Variants in NPAS3 observed in about 807,000 individuals in gnomAD.
The protein encoded by NPAS3 is neuronal PAS domain-containing protein 3.
Under a neutral mutation model 73.1 loss-of-function variants are expected in NPAS3, and 14 were observed. The observed-to-expected ratio is 0.19, with a 90% confidence interval of 0.13 to 0.30. NPAS3 has a LOEUF of 0.30. Among genes scored for constraint, NPAS3 ranks in the 10% least tolerant of loss-of-function variants. The probability of loss-of-function intolerance (pLI) is 1.00; values close to 1 mark genes in which losing one functional copy is unlikely to be tolerated. For missense variants in NPAS3, 1,096 were observed against 1,250.0 expected (o/e 0.88, Z 1.86); for synonymous variants, 620 against 541.5 (o/e 1.14, Z -2.01).
chr14:33,295,656 G>C (rs947776093), intron 3 of NPAS3, among the ~76,000 whole-genome samples: 2 of 152,174 alleles, frequency 1.3e-5, no homozygotes, highest in African/African-American at 2.4e-5. Flanking sequence ...ATTGAGATTT[G>C]ATTATCCTTT....
At chr14:33,725,715 T>C (rs1418288002) in intron 6 of NPAS3, among the ~76,000 whole-genome samples, 1 of 152,110 alleles carries the variant, frequency 6.6e-6, no homozygotes, top group African/African-American at 2.4e-5. Flanking sequence ...TGCCTTTCAT[T>C]GCCACTGTCC....
chr14:33,388,211 ATTCAT>A (rs1175644365), intron 4 of NPAS3, among the ~76,000 whole-genome samples: 5 of 152,316 alleles, frequency 3.3e-5, no homozygotes, highest in Non-Finnish European at 7.3e-5. Flanking sequence ...TTGGCATGAT[ATTCAT>A]TCTAATTCAA....
rs67518761 is a variant in NPAS3, at chr14:33,308,510, T to TTATATA, written c.386-58663_386-58658dup. On this transcript the variant is annotated intron_variant, in intron 3 of 11. Transcript: ENST00000356141. ...TTTTCTAAAGGGACTATTGCATAGT[T>TTATATA]TATATATATATATATATACATACAC... Among the ~76,000 whole-genome samples, 162 of 83,470 alleles carry TTATATA rather than the reference T, an allele frequency of 1.9e-3. 1 individual carries two copies. Among genetic ancestry groups the TTATATA allele is most frequent in the African/African-American group, 7.5e-3 (123 of 16,348 alleles). 54.8% of individuals were successfully genotyped at this position (83,470 alleles called of 152,430 possible).
intron 6 of NPAS3, among the ~76,000 whole-genome samples, chr14:33,687,792 C>T (rs1047783299): frequency 3.3e-5 from 5 of 152,142 alleles, no homozygotes; most frequent in African/African-American, 1.2e-4. Context: ...AATGCATGCG[C>T]CAGGCTTTGT....
intron 8 of NPAS3, among the ~76,000 whole-genome samples, chr14:33,777,704 C>G (rs769402675): frequency 1.3e-5 from 2 of 152,178 alleles, no homozygotes; most frequent in Non-Finnish European, 2.9e-5. Flanking sequence ...GGCGGATTCC[C>G]CCAACACGGT....
At chr14:33,682,846 T>G (rs2059977245) in intron 6 of NPAS3, among the ~76,000 whole-genome samples, 1 of 152,170 alleles carries the variant, frequency 6.6e-6, no homozygotes, top group Admixed American at 6.5e-5. Flanking sequence ...AATCTCTCCT[T>G]CCCACTAGGC....
intron 4 of NPAS3, among the ~76,000 whole-genome samples, chr14:33,386,553 A>C (rs2046783946): frequency 6.6e-6 from 1 of 151,772 alleles, no homozygotes. Flanking sequence ...TATTGAAATC[A>C]TCAGTTCCTA....
intron 7 of NPAS3, among the ~76,000 whole-genome samples, chr14:33,751,652 A>G (rs1313838522): frequency 2.0e-5 from 3 of 152,230 alleles, no homozygotes; most frequent in Non-Finnish European, 4.4e-5. Context: ...TTTCCCTTGA[A>G]TATACCATTT....
chr14:33,168,682 C>G (rs2045265539), intron 2 of NPAS3, among the ~76,000 whole-genome samples: 1 of 152,092 alleles, frequency 6.6e-6, no homozygotes, highest in Non-Finnish European at 1.5e-5. Context: ...TTTTCCTCTC[C>G]TGATTCCTTC....
chr14:33,800,740 G>T lies in NPAS3; in HGVS notation c.2433G>T (p.Gly811=). The change falls in exon 12 of 12, where the codon GGG becomes GGT. Residue 811 remains glycine, a synonymous_variant. Transcript: ENST00000356141. The surrounding 1 kb of genome is among the most constrained non-coding windows in gnomAD (Gnocchi z 6.5). ...TCCCGCTGGTGCACAGGGTGACCGG[G>T]ACCCTGGCCGCCACCAGCACGGCCG... 1 of 1,558,492 alleles carries T rather than the reference G, an allele frequency of 6.4e-7. No homozygotes were observed. Among genetic ancestry groups the T allele is most frequent in the Non-Finnish European group, 8.7e-7 (1 of 1,153,806 alleles).
intron 1 of NPAS3, among the ~76,000 whole-genome samples, chr14:33,041,099 G>A (rs532289637): frequency 6.6e-6 from 1 of 152,084 alleles, no homozygotes; most frequent in Non-Finnish European, 1.5e-5. Context: ...ATCATTATTA[G>A]TATTGGAACT....
chr14:33,666,039 G>A (rs186824229), intron 5 of NPAS3, among the ~76,000 whole-genome samples: 4 of 152,202 alleles, frequency 2.6e-5, no homozygotes, highest in East Asian at 1.9e-4. Flanking sequence ...ACCAACTTGA[G>A]AAGAAAAATG....
chr14:33,032,184 A>G (rs555831881), intron 1 of NPAS3, among the ~76,000 whole-genome samples: 2 of 152,356 alleles, frequency 1.3e-5, no homozygotes, highest in Non-Finnish European at 2.9e-5. Flanking sequence ...AGGATTGTAC[A>G]TGATGCGGCT....
At chr14:33,300,607 G>T (rs959325004) in intron 3 of NPAS3, among the ~76,000 whole-genome samples, 5 of 152,190 alleles carry the variant, frequency 3.3e-5, no homozygotes, top group Admixed American at 1.3e-4. Context: ...GGAGGAGTGG[G>T]CAGAGCTGGA....
intron 1 of NPAS3, among the ~76,000 whole-genome samples, chr14:32,973,945 A>G (rs1211199643): frequency 2.6e-5 from 4 of 152,316 alleles, no homozygotes; most frequent in South Asian, 2.1e-4. Flanking sequence ...TAGTGAATAT[A>G]TTTTCATTTT....
At chr14:33,674,464 C>T (rs1209907190) in intron 5 of NPAS3, among the ~76,000 whole-genome samples, 18 of 152,170 alleles carry the variant, frequency 1.2e-4, no homozygotes, top group Non-Finnish European at 2.4e-4. Context: ...TTATTAGTTC[C>T]ATTTAATTTC....
At chr14:33,058,302 T>G (rs898709798) in intron 2 of NPAS3, among the ~76,000 whole-genome samples, 5 of 152,156 alleles carry the variant, frequency 3.3e-5, no homozygotes, top group African/African-American at 1.2e-4. Flanking sequence ...TAAAAACATT[T>G]CTACATCAAT....
At chr14:33,797,538 A>T (rs907886103) in exon 11 of NPAS3, 2 of 1,613,724 alleles carry the variant, frequency 1.2e-6, no homozygotes, top group Non-Finnish European at 1.7e-6. Flanking sequence ...CCTCGGAGAC[A>T]TCCGACTCTG....
At chr14:33,061,321 G>A (rs758472260) in intron 2 of NPAS3, among the ~76,000 whole-genome samples, 2 of 152,208 alleles carry the variant, frequency 1.3e-5, no homozygotes, top group Non-Finnish European at 2.9e-5. Flanking sequence ...ACTTATGCCA[G>A]TTGTGTTAGG....
Sources: allele counts gnomAD v4.1 joint callset (sites outside exome capture counted in the v4.1 genomes callset), GRCh38; gene constraint gnomAD v4.1.1; non-coding constraint Gnocchi (gnomAD v3.1); transcripts MANE v1.5; gene names NCBI Gene and HGNC (gene_info 2026-07-23, HGNC 2026-07-21).